PDPK1: variants seen among roughly 807,000 people sequenced by gnomAD.
The protein encoded by PDPK1 is 3-phosphoinositide-dependent protein kinase 1.
In PDPK1, 7 loss-of-function variants were observed where a neutral mutation model predicts 39.8. The ratio of observed to expected loss-of-function variants is 0.18; its 90% CI spans 0.10 to 0.33. The LOEUF (loss-of-function observed/expected upper bound fraction) is 0.33. PDPK1 is among the 10% of genes least tolerant of loss of function. The pLI is 1.00. For missense variants in PDPK1, 182 were observed against 384.7 expected, an observed-to-expected ratio of 0.47 and a Z score of 4.41; for synonymous variants, 118 against 159.1, an observed-to-expected ratio of 0.74 and a Z score of 1.95.
chr16:2,585,650 TCGGCGTGGAGGGGCCGGCGTGGAGGGGC>T (rs748863626), intron 10 of PDPK1, among the ~76,000 whole-genome samples: 3 of 151,952 alleles, frequency 2.0e-5, no homozygotes, highest in East Asian at 3.9e-4. Flanking sequence ...CGTGGAGGGG[TCGGCGTGGAGGGGCCGGCGTGGAGGGGC>T]CGGCAGCGTC....
In PDPK1 at chr16:2,597,989, C is replaced by T; in HGVS notation, c.*222C>T. ...CACAAAGGAATTCAGGGTCGCTTTG[C>T]TTGCTCTCTGTGCTCCGTGGAGGCC... On this transcript the variant is annotated 3_prime_UTR_variant, in exon 14 of 14. Transcript: ENST00000342085. The surrounding 1 kb of genome is among the most constrained non-coding windows in gnomAD (Gnocchi z 6.3). 1.8e-6 allele frequency: 1 copy of T among 564,932 alleles called. No homozygotes were observed. 35.0% of individuals were successfully genotyped at this position (564,932 alleles called of 1,614,324 possible). A position where few individuals can be genotyped will look rare whatever the true frequency, so the allele number is the denominator to read the frequency against.
intron 10 of PDPK1, among the ~76,000 whole-genome samples, chr16:2,585,799 G>T (rs1325632934): frequency 6.6e-6 from 1 of 152,242 alleles, no homozygotes; most frequent in African/African-American, 2.4e-5. Flanking sequence ...GTGAACACAT[G>T]GGGGACGCTG....
chr16:2,596,761 T>A (rs925765446), intron 12 of PDPK1, among the ~76,000 whole-genome samples: 2 of 152,068 alleles, frequency 1.3e-5, no homozygotes, highest in Non-Finnish European at 2.9e-5. Context: ...AAGCGCAGGC[T>A]CCTGGCCTCT....
intron 12 of PDPK1, among the ~76,000 whole-genome samples, chr16:2,596,253 G>A (rs963534085): frequency 1.5e-4 from 23 of 152,146 alleles, no homozygotes; most frequent in African/African-American, 4.1e-4. Flanking sequence ...GTGCAGTGGC[G>A]CGATCTCGGC....
At chr16:2,547,434 T>C (rs1487236871) in intron 1 of PDPK1, among the ~76,000 whole-genome samples, 2 of 108,078 alleles carry the variant, frequency 1.9e-5, no homozygotes, top group South Asian at 3.5e-4. Flanking sequence ...TTGTCTTTCA[T>C]GGCTTTTTTC....
At chr16:2,587,599 C>G (rs931524296) in intron 11 of PDPK1, among the ~76,000 whole-genome samples, 2 of 152,148 alleles carry the variant, frequency 1.3e-5, no homozygotes, top group African/African-American at 4.8e-5. Context: ...ACCTCTGCCT[C>G]CTGGGTTCAA....
chr16:2,559,803 G>A (rs2066570920), intron 2 of PDPK1, among the ~76,000 whole-genome samples: 1 of 150,550 alleles, frequency 6.6e-6, no homozygotes, highest in African/African-American at 2.5e-5. Flanking sequence ...GAGATGGGTG[G>A]AGAGCAGGCA....
At chr16:2,557,313 T>TTAA (rs2066516718) in intron 1 of PDPK1, 1 of 313,166 alleles carries the variant, frequency 3.2e-6, no homozygotes, top group South Asian at 3.8e-5. Context: ...GCTCGCTTTA[T>TTAA]TATAGTCTTG....
At position 2,593,411 on chromosome 16, in the gene PDPK1, G is replaced by C. The variant is rs1188324890; in HGVS notation, c.1344-2382G>C. 3.1e-6 allele frequency: 1 copy of C among 321,214 alleles called. No individual in the cohort carries two copies. The highest frequency in any genetic ancestry group is 6.0e-6 in the Non-Finnish European group (1 of 166,824). The allele number at this position is 321,214 out of a possible 1,614,324, so 19.9% of individuals were successfully genotyped here. A position where few individuals can be genotyped will look rare whatever the true frequency, so the allele number is the denominator to read the frequency against. On this transcript the variant is annotated intron_variant, in intron 11 of 13. Coordinates refer to ENST00000342085, the MANE Select transcript of PDPK1 (RefSeq NM_002613.5). The surrounding 1 kb of genome is among the most constrained non-coding windows in gnomAD (Gnocchi z 4.2). ...CCTGGTGGTTTTTTAGGTGGAGGTG[G>C]TTTCGTCCTCTTTCCGTGGCTCCCA...
At chr16:2,588,574 A>G (rs1268993966) in intron 11 of PDPK1, among the ~76,000 whole-genome samples, 4 of 152,080 alleles carry the variant, frequency 2.6e-5, no homozygotes, top group Non-Finnish European at 5.9e-5. Context: ...CCGTCTGGGT[A>G]CCTTAGCCTG....
chr16:2,589,794 T>G (rs1223058218), intron 11 of PDPK1, among the ~76,000 whole-genome samples: 2 of 152,208 alleles, frequency 1.3e-5, no homozygotes, highest in South Asian at 2.1e-4. Flanking sequence ...ATGAGCTCTT[T>G]AAAATCCAAT....
intron 11 of PDPK1, among the ~76,000 whole-genome samples, chr16:2,595,064 A>C (rs192561571): frequency 6.6e-6 from 1 of 152,118 alleles, no homozygotes; most frequent in Non-Finnish European, 1.5e-5. Flanking sequence ...TTGAGGCTAC[A>C]GTGAGCTATG....
At chr16:2,596,428 T>G (rs184744405) in intron 12 of PDPK1, among the ~76,000 whole-genome samples, 94 of 152,278 alleles carry the variant, frequency 6.2e-4, no homozygotes, top group Non-Finnish European at 1.1e-3. Context: ...TCTCCTGACC[T>G]CGTGATCCAC....
At chr16:2,585,487 C>T (rs1262373186) in intron 10 of PDPK1, among the ~76,000 whole-genome samples, 1 of 152,206 alleles carries the variant, frequency 6.6e-6, no homozygotes, top group African/African-American at 2.4e-5. Flanking sequence ...GCGTCCCCTT[C>T]AGCCAGGGAG....
chr16:2,602,716 G>A lies in PDPK1; in HGVS notation c.*4949G>A, dbSNP rs549294670. The A allele has an allele frequency of 1.7e-5, 4 of 234,614 alleles. No individual in the cohort carries two copies. Among genetic ancestry groups the A allele is most frequent in the African/African-American group, 8.8e-5 (4 of 45,334 alleles). The allele number at this position is 234,614 out of a possible 1,614,324, so 14.5% of individuals were successfully genotyped here. On this transcript the variant is annotated 3_prime_UTR_variant, in exon 14 of 14. Transcript: ENST00000342085. ...AGTACGTCTTTCAGGTGGGTGGCAA[G>A]CAGAACATGCGTAATATTCTCTACC...
intron 11 of PDPK1, chr16:2,592,580 CAG>C: frequency 2.8e-6 from 1 of 355,434 alleles, no homozygotes; most frequent in South Asian, 2.1e-5. Flanking sequence ...GAGGCTGAGA[CAG>C]GAGAATCGCT....
intron 1 of PDPK1, chr16:2,539,275 T>G (rs1288353696): frequency 1.3e-5 from 2 of 155,658 alleles, no homozygotes; most frequent in Non-Finnish European, 2.9e-5. Context: ...AGAAGGTGTT[T>G]CGCCATGTTG....
At chr16:2,588,483 G>T (rs942554994) in intron 11 of PDPK1, among the ~76,000 whole-genome samples, 3 of 152,270 alleles carry the variant, frequency 2.0e-5, no homozygotes, top group Admixed American at 6.5e-5. Context: ...GCTGTCTGCA[G>T]GTGTGTGTGT....
At chr16:2,538,665 C>G in intron 1 of PDPK1, 1 of 1,288,958 alleles carries the variant, frequency 7.8e-7, no homozygotes, top group Non-Finnish European at 1.0e-6. Context: ...ACGGCCCGGC[C>G]AAGGGGCATT....
Sources: gnomAD v4.1 joint callset for allele counts (sites outside exome capture counted in the v4.1 genomes callset) on GRCh38, gnomAD v4.1.1 for gene constraint, Gnocchi (gnomAD v3.1) non-coding constraint, MANE v1.5 for transcripts, NCBI Gene and HGNC (gene_info 2026-07-23, HGNC 2026-07-21) for gene names.